Variants in NARS2 observed in about 807,000 individuals in gnomAD.
NARS2 encodes asparaginyl-tRNA synthetase 2, mitochondrial.
Under a neutral mutation model 62.9 loss-of-function variants are expected in NARS2, and 60 were observed. The observed-to-expected ratio is 0.95, with a 90% confidence interval of 0.77 to 1.18. The LOEUF is 1.18. NARS2 is among the 50% of genes most tolerant of loss of function. The probability of loss-of-function intolerance (pLI) is 0.00; values close to 1 mark genes in which losing one functional copy is unlikely to be tolerated. For synonymous variants in NARS2, 196 were observed against 200.0 expected, an observed-to-expected ratio of 0.98 and a Z score of 0.17; for missense variants, 619 against 576.4, an observed-to-expected ratio of 1.07 and a Z score of -0.76.
At chr11:78,484,976 C>A (rs184534978) in intron 7 of NARS2, among the ~76,000 whole-genome samples, 1 of 152,306 alleles carries the variant, frequency 6.6e-6, no homozygotes, top group Non-Finnish European at 1.5e-5. Flanking sequence ...AGACTTGGAA[C>A]CAATCCAAAT....
At chr11:78,511,771 A>G (rs972970857) in intron 6 of NARS2, among the ~76,000 whole-genome samples, 1 of 152,188 alleles carries the variant, frequency 6.6e-6, no homozygotes, top group Non-Finnish European at 1.5e-5. Flanking sequence ...TATATTTAAA[A>G]CGATGTATTT....
intron 5 of NARS2, among the ~76,000 whole-genome samples, chr11:78,540,653 A>C (rs956080559): frequency 1.5e-4 from 23 of 152,264 alleles, no homozygotes; most frequent in African/African-American, 5.3e-4. Context: ...AGCATGGTTC[A>C]GAAATTTAAA....
intron 12 of NARS2, among the ~76,000 whole-genome samples, chr11:78,442,620 TTTC>T (rs199512415): frequency 0.011 from 1,414 of 131,768 alleles, 8 homozygotes; most frequent in Middle Eastern, 0.019. Context: ...TGGTAAAGTC[TTTC>T]TTTTTTTTTT....
intron 7 of NARS2, among the ~76,000 whole-genome samples, chr11:78,488,492 G>T (rs1859674569): frequency 6.6e-6 from 1 of 152,126 alleles, no homozygotes; most frequent in African/African-American, 2.4e-5. Flanking sequence ...CCTCCAAGAG[G>T]AATGCAACTC....
chr11:78,460,218 G>A (rs1362091641), intron 11 of NARS2, among the ~76,000 whole-genome samples: 2 of 151,804 alleles, frequency 1.3e-5, no homozygotes, highest in Non-Finnish European at 2.9e-5. Flanking sequence ...TATCCTAAGA[G>A]CAAAGGGAGG....
intron 6 of NARS2, among the ~76,000 whole-genome samples, chr11:78,527,327 G>A (rs1381559292): frequency 1.3e-5 from 2 of 152,156 alleles, no homozygotes; most frequent in Non-Finnish European, 2.9e-5. Context: ...AATGAGTCAT[G>A]TTTTTAATTT....
At chr11:78,505,522 AG>A (rs1416731117) in intron 6 of NARS2, among the ~76,000 whole-genome samples, 3 of 152,128 alleles carry the variant, frequency 2.0e-5, no homozygotes, top group Non-Finnish European at 4.4e-5. Flanking sequence ...AAAGCATGGA[AG>A]TAATTCAAGC....
At chr11:78,443,554 G>T in intron 12 of NARS2, 107 bp downstream of exon 12, 1 of 615,838 alleles carries the variant, frequency 1.6e-6, no homozygotes, top group Non-Finnish European at 2.8e-6. Context: ...ATCCAGTTCT[G>T]TCAGGCGCCG....
At chr11:78,458,704 T>C (rs1858263150) in intron 11 of NARS2, among the ~76,000 whole-genome samples, 1 of 152,230 alleles carries the variant, frequency 6.6e-6, no homozygotes, top group Non-Finnish European at 1.5e-5. Context: ...ATACTAGGTG[T>C]CCACCACGTC....
chr11:78,528,763 T>G (rs1431616826), intron 6 of NARS2, 79 bp downstream of exon 6: 1 of 910,802 alleles, frequency 1.1e-6, no homozygotes, highest in Non-Finnish European at 1.8e-6. Context: ...TTTCAACTTT[T>G]AGGTTTGAGC....
chr11:78,465,747 A>T, intron 11 of NARS2, 129 bp downstream of exon 11: 1 of 1,050,942 alleles, frequency 9.5e-7, no homozygotes, highest in Non-Finnish European at 1.4e-6. Flanking sequence ...TTTTTAAGAG[A>T]TGTCTTTGAA....
chr11:78,517,067 C>CA (rs918209072), intron 6 of NARS2, among the ~76,000 whole-genome samples: 1 of 151,420 alleles, frequency 6.6e-6, no homozygotes, highest in Non-Finnish European at 1.5e-5. Context: ...AAATTCCAGG[C>CA]AAAAAAACAG....
At chr11:78,437,039 G>A (rs1005342403) in intron 13 of NARS2, among the ~76,000 whole-genome samples, 58 of 152,282 alleles carry the variant, frequency 3.8e-4, no homozygotes, top group African/African-American at 1.4e-3. Context: ...TACAGTCATG[G>A]GCTTTGGTCC....
chr11:78,441,331 A>G (rs746901253), intron 12 of NARS2, among the ~76,000 whole-genome samples: 2 of 152,240 alleles, frequency 1.3e-5, no homozygotes, highest in Non-Finnish European at 2.9e-5. Context: ...GGTTTACACA[A>G]TAAATGTTAT....
chr11:78,508,059 CA>C, intron 6 of NARS2, among the ~76,000 whole-genome samples: 1 of 151,882 alleles, frequency 6.6e-6, no homozygotes, highest in Non-Finnish European at 1.5e-5. Flanking sequence ...CCTAGGAAAA[CA>C]AAAGGAAATT....
At chr11:78,538,975 AC>A (rs1855499786) in intron 5 of NARS2, among the ~76,000 whole-genome samples, 1 of 116,838 alleles carries the variant, frequency 8.6e-6, no homozygotes, top group Non-Finnish European at 1.7e-5. Flanking sequence ...AGCCTGGGCG[AC>A]AGAGCGAGAA....
chr11:78,443,608 G>A (rs1857649957), intron 12 of NARS2, 53 bp downstream of exon 12: 1 of 1,351,172 alleles, frequency 7.4e-7, no homozygotes, highest in Non-Finnish European at 1.1e-6. Flanking sequence ...GACCACCTTT[G>A]AGCGCCTTAT....
At chr11:78,567,601 T>C (rs1856788666) in intron 3 of NARS2, among the ~76,000 whole-genome samples, 1 of 152,228 alleles carries the variant, frequency 6.6e-6, no homozygotes, top group Non-Finnish European at 1.5e-5. Flanking sequence ...GCTCTTGATT[T>C]CCAAATTATT....
chr11:78,494,703 A>G (rs1054417187), intron 6 of NARS2, among the ~76,000 whole-genome samples: 1 of 152,134 alleles, frequency 6.6e-6, no homozygotes, highest in Non-Finnish European at 1.5e-5. Context: ...AAATATTACT[A>G]TGGTTGCCTT....
Sources: allele counts gnomAD v4.1 joint callset (sites outside exome capture counted in the v4.1 genomes callset), GRCh38; gene constraint gnomAD v4.1.1; transcripts MANE v1.5; gene names NCBI Gene and HGNC (gene_info 2026-07-23, HGNC 2026-07-21).